Variants in PGAP2 observed in about 807,000 individuals in gnomAD.
PGAP2 encodes the protein acyltransferase PGAP2.
PGAP2 carries 21 observed loss-of-function variants against 33.2 expected under a neutral mutation model. That is an observed-to-expected ratio of 0.63 (90% CI 0.45 to 0.91). The LOEUF (loss-of-function observed/expected upper bound fraction) is 0.91, where lower values mean the gene tolerates loss of function less well. Among genes scored for constraint, PGAP2 ranks in the 40% least tolerant of loss-of-function variants. The pLI, the probability that PGAP2 is intolerant of heterozygous loss-of-function variation, is 0.00. For missense variants in PGAP2, 345 were observed against 424.0 expected, an observed-to-expected ratio of 0.81 and a Z score of 1.64; for synonymous variants, 161 against 172.9, an observed-to-expected ratio of 0.93 and a Z score of 0.54.
chr11:3,801,143 AAAG>A (rs1187303956), intron 1 of PGAP2, among the ~76,000 whole-genome samples: 2 of 151,680 alleles, frequency 1.3e-5, no homozygotes, highest in Non-Finnish European at 2.9e-5. Flanking sequence ...TTCAAAAAAA[AAAG>A]AAAAGAAAGG....
chr11:3,819,339 G>A (rs2087937359), intron 3 of PGAP2, among the ~76,000 whole-genome samples: 1 of 151,998 alleles, frequency 6.6e-6, no homozygotes, highest in African/African-American at 2.4e-5. Flanking sequence ...GGCAAGAGTA[G>A]GGTATAAGGA....
chr11:3,814,862 C>CT (rs1221637077), intron 2 of PGAP2, among the ~76,000 whole-genome samples: 4 of 126,152 alleles, frequency 3.2e-5, no homozygotes, highest in African/African-American at 1.2e-4. Flanking sequence ...TTCTTTCTTT[C>CT]TTTTCTTTCT....
intron 1 of PGAP2, chr11:3,798,240 C>G: frequency 1.2e-6 from 1 of 865,316 alleles, no homozygotes; most frequent in Non-Finnish European, 1.6e-6. Context: ...ATTAGAGATG[C>G]CCTAAGGGAC....
intron 3 of PGAP2, among the ~76,000 whole-genome samples, chr11:3,818,736 T>C (rs970514560): frequency 6.6e-6 from 1 of 152,206 alleles, no homozygotes; most frequent in African/African-American, 2.4e-5. Context: ...GAATTAGATA[T>C]GGACTTGCCC....
chr11:3,808,049 T>G, upstream of PGAP2: 2 of 1,408,810 alleles, frequency 1.4e-6, no homozygotes, highest in Non-Finnish European at 1.8e-6. Context: ...AGGCCAGAGT[T>G]TCTGGGATGT....
chr11:3,825,604 A>G lies in PGAP2; in HGVS notation c.*146A>G. 5.0e-6 allele frequency: 4 copies of G among 796,494 alleles called. No homozygotes were observed. Among genetic ancestry groups the G allele is most frequent in the Non-Finnish European group, 7.7e-6 (4 of 520,320 alleles). 49.3% of individuals were successfully genotyped at this position (796,494 alleles called of 1,614,324 possible). A position where few individuals can be genotyped will look rare whatever the true frequency, so the allele number is the denominator to read the frequency against. On this transcript the variant is annotated 3_prime_UTR_variant, in exon 7 of 7. Coordinates refer to ENST00000278243, the MANE Select transcript of PGAP2 (RefSeq NM_014489.4). ...GAAGGAAGGGTGTAGGCCAAGGCTC[A>G]CCCCAGTGCTGCTGGCTTCTCCTCT...
intron 2 of PGAP2, among the ~76,000 whole-genome samples, chr11:3,816,707 GAGCCTGGGGGTGGAATGGCTGGC>G (rs2087109342): frequency 6.6e-6 from 1 of 152,200 alleles, no homozygotes; most frequent in African/African-American, 2.4e-5. Flanking sequence ...GGATCATTCA[GAGCCTGGGGGTGGAATGGCTGGC>G]AGCCTGTGGC....
chr11:3,825,451 G>C lies in PGAP2; in HGVS notation c.941G>C (p.Arg314Pro), dbSNP rs773338737. 6.2e-7 allele frequency: 1 copy of C among 1,613,040 alleles called. No homozygotes were observed. Among genetic ancestry groups the C allele is most frequent in the South Asian group, 1.1e-5 (1 of 90,968 alleles). The change falls in exon 7 of 7, where the codon CGA (arginine) becomes CCA (proline). Residue 314 changes from arginine (R) to proline (P), a missense_variant. Transcript: ENST00000278243. ...ATAACCTCTCAGCCTGAGGAAAAGC[G>C]ATTCTGAACCCTTCAGTCCTGCTTG... is the stretch of plus-strand genomic sequence containing the variant. ...LLITSQPEEK[R>P]F
intron 3 of PGAP2, chr11:3,817,790 T>G (rs2087441564): frequency 1.6e-6 from 1 of 629,742 alleles, no homozygotes; most frequent in African/African-American, 1.8e-5. Context: ...CTCATACCTG[T>G]AATCTCAGCA....
intron 3 of PGAP2, 45 bp downstream of exon 3, chr11:3,817,580 G>GT (rs1443948520): frequency 2.0e-6 from 3 of 1,511,792 alleles, no homozygotes; most frequent in Non-Finnish European, 2.8e-6. Flanking sequence ...CAGGTCAGGA[G>GT]GTGGCAGTTA....
upstream of PGAP2, chr11:3,808,130 G>A (rs2084765667): frequency 6.9e-7 from 1 of 1,459,250 alleles, no homozygotes; most frequent in Admixed American, 2.3e-5. Context: ...GCCCTGACGA[G>A]CAAAGTTTGG....
upstream of PGAP2, among the ~76,000 whole-genome samples, chr11:3,806,965 G>A (rs1216737449): frequency 6.6e-6 from 1 of 151,718 alleles, no homozygotes; most frequent in Non-Finnish European, 1.5e-5. Flanking sequence ...AGGTTGCAGT[G>A]AGCCGAGATC....
intron 2 of PGAP2, among the ~76,000 whole-genome samples, chr11:3,814,764 C>CTT (rs1224587583): frequency 3.2e-5 from 3 of 92,344 alleles, no homozygotes; most frequent in Non-Finnish European, 7.7e-5. Context: ...TTCTTTCTTT[C>CTT]TTTCTTTCTT....
At chr11:3,808,096 C>T, upstream of PGAP2, 1 of 1,449,886 alleles carries the variant, frequency 6.9e-7, no homozygotes, top group Non-Finnish European at 9.1e-7. Context: ...AGGTGCTCTT[C>T]CCATTGCTGA....
At chr11:3,815,029 C>T (rs1356414341) in intron 2 of PGAP2, among the ~76,000 whole-genome samples, 1 of 151,492 alleles carries the variant, frequency 6.6e-6, no homozygotes. Context: ...CCTCTGCCTC[C>T]TGGGTTCAAG....
At chr11:3,820,615 G>A (rs1456035081) in intron 3 of PGAP2, among the ~76,000 whole-genome samples, 2 of 151,520 alleles carry the variant, frequency 1.3e-5, no homozygotes, top group Non-Finnish European at 2.9e-5. Flanking sequence ...AGTTGAGACC[G>A]CACCATTGCA....
intron 2 of PGAP2, among the ~76,000 whole-genome samples, chr11:3,814,544 A>G (rs1439060890): frequency 6.7e-6 from 1 of 150,342 alleles, no homozygotes; most frequent in Non-Finnish European, 1.5e-5. Flanking sequence ...GGCGTGAGCC[A>G]CCATGCCCAG....
chr11:3,815,245 G>A (rs115226289), intron 2 of PGAP2, among the ~76,000 whole-genome samples: 406 of 151,926 alleles, frequency 2.7e-3, no homozygotes, highest in African/African-American at 4.1e-3. Context: ...TTCTCTCCTC[G>A]TGGCTTCAGG....
upstream of PGAP2, among the ~76,000 whole-genome samples, chr11:3,806,975 C>G (rs532129773): frequency 4.7e-5 from 7 of 150,140 alleles, no homozygotes; most frequent in Non-Finnish European, 1.0e-4. Flanking sequence ...GAGCCGAGAT[C>G]GTGGCACTGC....
Sources: allele counts gnomAD v4.1 joint callset (sites outside exome capture counted in the v4.1 genomes callset), GRCh38; gene constraint gnomAD v4.1.1; transcripts MANE v1.5; gene names NCBI Gene and HGNC (gene_info 2026-07-23, HGNC 2026-07-21).